Variants in ATG10 observed in about 807,000 individuals in gnomAD.
ATG10 encodes ubiquitin-like-conjugating enzyme ATG10.
Under a neutral mutation model 32.1 loss-of-function variants are expected in ATG10, and 30 were observed. The ratio of observed to expected loss-of-function variants is 0.94; its 90% confidence interval spans 0.70 to 1.27. The LOEUF is 1.27. ATG10 is among the 50% of genes most tolerant of loss of function. The pLI is 0.00. For missense variants in ATG10, 233 were observed against 262.3 expected (o/e 0.89, Z 0.77); for synonymous variants, 87 against 91.5 (o/e 0.95, Z 0.28).
intron 5 of ATG10, among the ~76,000 whole-genome samples, chr5:82,218,424 A>T (rs1745782800): frequency 3.3e-5 from 5 of 152,106 alleles, no homozygotes. Flanking sequence ...GTACAGAATG[A>T]TCATTGCTAT....
chr5:82,104,816 A>C (rs1765394641), intron 3 of ATG10, among the ~76,000 whole-genome samples: 1 of 152,306 alleles, frequency 6.6e-6, no homozygotes, highest in Non-Finnish European at 1.5e-5. Flanking sequence ...TTGAATTGTC[A>C]TATACAAGGT....
chr5:82,076,083 C>T (rs1398196128), intron 3 of ATG10, among the ~76,000 whole-genome samples: 2 of 152,096 alleles, frequency 1.3e-5, no homozygotes, highest in Non-Finnish European at 2.9e-5. Context: ...TCCATTAACC[C>T]TAGGAGTTAG....
At chr5:82,018,960 G>A (rs1756383649) in intron 2 of ATG10, among the ~76,000 whole-genome samples, 1 of 152,048 alleles carries the variant, frequency 6.6e-6, no homozygotes, top group African/African-American at 2.4e-5. Context: ...TCTTTGCCCA[G>A]TCTGTGAAGG....
intron 2 of ATG10, among the ~76,000 whole-genome samples, chr5:81,994,948 TC>T (rs1286162050): frequency 6.6e-6 from 1 of 152,156 alleles, no homozygotes; most frequent in East Asian, 1.9e-4. Flanking sequence ...CATAAATGAG[TC>T]CCTAACATTC....
chr5:82,043,774 C>T (rs1763156191), intron 2 of ATG10, among the ~76,000 whole-genome samples: 1 of 152,188 alleles, frequency 6.6e-6, no homozygotes, highest in South Asian at 2.1e-4. Flanking sequence ...CAAGAGTGAT[C>T]TTTACTCTGG....
chr5:82,220,792 C>T (rs1247121086), intron 5 of ATG10, among the ~76,000 whole-genome samples: 3 of 149,066 alleles, frequency 2.0e-5, no homozygotes, highest in Admixed American at 6.7e-5. Flanking sequence ...GATGGAATCT[C>T]GCTTTGTTGC....
chr5:82,151,129 G>A (rs753217688), intron 3 of ATG10, among the ~76,000 whole-genome samples: 9 of 152,184 alleles, frequency 5.9e-5, no homozygotes, highest in Non-Finnish European at 7.3e-5. Flanking sequence ...ATTGAGATGT[G>A]AGAAATAACA....
intron 5 of ATG10, among the ~76,000 whole-genome samples, chr5:82,240,520 G>A (rs1212222085): frequency 1.3e-5 from 2 of 152,208 alleles, no homozygotes; most frequent in Non-Finnish European, 2.9e-5. Context: ...GGGAAGGATA[G>A]TGAGGAGGGC....
rs1211296948 is a variant in ATG10 at position 82,227,327 on chromosome 5, G to T, written c.454-25235G>T. ...AAATTTGACAACCCCTTTATTTAAGGTATCCCCAGGTCCCAATTCACACAC... is the reference window on the plus strand; with the variant it reads ...AAATTTGACAACCCCTTTATTTAAGTTATCCCCAGGTCCCAATTCACACAC... On this transcript the variant is annotated intron_variant, in intron 5 of 7. Coordinates refer to ENST00000282185, the MANE Select transcript of ATG10 (RefSeq NM_031482.5). Among the ~76,000 whole-genome samples, 4 of 151,746 alleles carry T rather than the reference G, an allele frequency of 2.6e-5. No individual in the cohort carries two copies. In the East Asian group the frequency reaches 7.7e-4, roughly 29 times the overall value.
At chr5:82,017,795 G>A (rs1404665524) in intron 2 of ATG10, among the ~76,000 whole-genome samples, 1 of 152,068 alleles carries the variant, frequency 6.6e-6, no homozygotes, top group African/African-American at 2.4e-5. Flanking sequence ...CACTTGACAG[G>A]ATTGATCATT....
chr5:82,013,074 G>T (rs1218968366), intron 2 of ATG10, among the ~76,000 whole-genome samples: 1 of 150,746 alleles, frequency 6.6e-6, no homozygotes, highest in Non-Finnish European at 1.5e-5. Flanking sequence ...TGATTCTCCT[G>T]CCTCAGCCTC....
At chr5:82,209,998 G>T (rs1195907836) in intron 5 of ATG10, among the ~76,000 whole-genome samples, 2 of 152,122 alleles carry the variant, frequency 1.3e-5, no homozygotes, top group South Asian at 2.1e-4. Flanking sequence ...AGTAGTTTCA[G>T]ATCTAGAACT....
rs555583001 is a variant in ATG10, at chr5:82,115,107, A to C, written c.217-49292A>C. Among the ~76,000 whole-genome samples the C allele has an allele frequency of 4.6e-5, 7 of 152,224 alleles. No individual in the cohort carries two copies. In the South Asian group the frequency reaches 1.5e-3, roughly 32 times the overall value. ...AATGGAGTAAACCACAGAATTAACTAACTTTCTTTTTATGTGATAAAAATG... is the reference window on the plus strand; with the variant it reads ...AATGGAGTAAACCACAGAATTAACTCACTTTCTTTTTATGTGATAAAAATG... On this transcript the variant is annotated intron_variant, in intron 3 of 7. Coordinates refer to ENST00000282185, the MANE Select transcript of ATG10 (RefSeq NM_031482.5).
chr5:82,135,238 G>C (rs1442957168), intron 3 of ATG10, among the ~76,000 whole-genome samples: 3 of 152,082 alleles, frequency 2.0e-5, no homozygotes, highest in Non-Finnish European at 4.4e-5. Flanking sequence ...GTTCTGCTCT[G>C]ATCTTAGTTA....
chr5:82,176,474 T>C (rs1002345659), intron 4 of ATG10, among the ~76,000 whole-genome samples: 2 of 152,196 alleles, frequency 1.3e-5, no homozygotes, highest in African/African-American at 4.8e-5. Context: ...GTGTAAAAAT[T>C]ATTTTAAAAG....
intron 5 of ATG10, among the ~76,000 whole-genome samples, chr5:82,236,882 C>G (rs1401213094): frequency 6.6e-6 from 1 of 152,134 alleles, no homozygotes; most frequent in Non-Finnish European, 1.5e-5. Flanking sequence ...TTAGGTGAGA[C>G]TTTGGTTTCT....
intron 3 of ATG10, among the ~76,000 whole-genome samples, chr5:82,144,035 A>G (rs923990286): frequency 6.6e-6 from 1 of 152,054 alleles, no homozygotes; most frequent in African/African-American, 2.4e-5. Flanking sequence ...TAGAGTATCT[A>G]TTATTCCTTT....
At chr5:82,018,379 G>A (rs529933092) in intron 2 of ATG10, among the ~76,000 whole-genome samples, 20 of 151,938 alleles carry the variant, frequency 1.3e-4, no homozygotes, top group East Asian at 9.7e-4. Flanking sequence ...ATAAACTATC[G>A]TCAACTCTTA....
intron 2 of ATG10, among the ~76,000 whole-genome samples, chr5:81,989,983 C>A (rs931045467): frequency 6.6e-6 from 1 of 152,098 alleles, no homozygotes; most frequent in Non-Finnish European, 1.5e-5. Flanking sequence ...CATTCAGTCA[C>A]CTTATTGAAT....
Sources: allele counts gnomAD v4.1 joint callset (sites outside exome capture counted in the v4.1 genomes callset), GRCh38; gene constraint gnomAD v4.1.1; transcripts MANE v1.5; gene names NCBI Gene and HGNC (gene_info 2026-07-23, HGNC 2026-07-21).